SRGAP3: variants seen among roughly 807,000 people sequenced by gnomAD.
SRGAP3 encodes the protein SLIT-ROBO Rho GTPase activating protein 3.
SRGAP3 carries 39 observed loss-of-function variants against 121.1 expected under a neutral mutation model. The observed-to-expected ratio is 0.32, with a 90% CI of 0.25 to 0.42. The LOEUF is 0.42. Among genes scored for constraint, SRGAP3 ranks in the 10% least tolerant of loss-of-function variants. The pLI is 1.00. For missense variants in SRGAP3, 1,213 were observed against 1,470.6 expected, an observed-to-expected ratio of 0.82 and a Z score of 2.86; for synonymous variants, 601 against 570.0, an observed-to-expected ratio of 1.05 and a Z score of -0.77.
At chr3:9,301,650 GT>G in intron 3 of SRGAP3, among the ~76,000 whole-genome samples, 1 of 152,344 alleles carries the variant, frequency 6.6e-6, no homozygotes, top group East Asian at 1.9e-4. Context: ...GGCTGTGTTT[GT>G]TGTTTTTAAC....
chr3:9,138,800 T>G (rs1386395963), intron 1 of SRGAP3, among the ~76,000 whole-genome samples: 1 of 152,228 alleles, frequency 6.6e-6, no homozygotes, highest in Non-Finnish European at 1.5e-5. Flanking sequence ...AAGGTGTATA[T>G]GAAACAAATG....
intron 1 of SRGAP3, among the ~76,000 whole-genome samples, chr3:9,355,614 T>C (rs1475704836): frequency 6.6e-6 from 1 of 152,158 alleles, no homozygotes; most frequent in Non-Finnish European, 1.5e-5. Flanking sequence ...CAAAGAGGCT[T>C]TACCTGACCA....
At chr3:9,257,195 C>G (rs1954150035) in intron 3 of SRGAP3, among the ~76,000 whole-genome samples, 1 of 152,048 alleles carries the variant, frequency 6.6e-6, no homozygotes. Flanking sequence ...ATGCTTGTGT[C>G]CCCTTAAAAT....
At chr3:9,111,779 A>G (rs530875132) in intron 2 of SRGAP3, among the ~76,000 whole-genome samples, 62 of 152,306 alleles carry the variant, frequency 4.1e-4, no homozygotes, top group African/African-American at 1.4e-3. Context: ...TTTGGAAGAC[A>G]TCAGAATGAA....
chr3:9,354,173 T>A (rs2125296008), intron 1 of SRGAP3, among the ~76,000 whole-genome samples: 1 of 152,240 alleles, frequency 6.6e-6, no homozygotes, highest in Middle Eastern at 3.4e-3. Context: ...AAACTTCAAG[T>A]ACCATAACAA....
chr3:9,199,211 T>A lies in SRGAP3; in HGVS notation c.67+49674A>T, dbSNP rs547321453. 9.8e-5 allele frequency among the ~76,000 whole-genome samples: 15 copies of A among 152,324 alleles called. No individual in the cohort carries two copies. The South Asian group carries it at 2.5e-3, about 25-fold the overall frequency. On this transcript the variant is annotated intron_variant, in intron 1 of 21. Transcript: ENST00000383836. ...TCTGCATTTGCAATGGGCTTAATCA[T>A]CTGCATCAGAGCACACTCCCGCGAC...
At chr3:9,157,513 G>A (rs1950457965) in intron 1 of SRGAP3, among the ~76,000 whole-genome samples, 1 of 152,188 alleles carries the variant, frequency 6.6e-6, no homozygotes. Context: ...CTATACACTA[G>A]GTACTGTCTA....
chr3:9,045,227 A>T (rs1307733883), intron 10 of SRGAP3, among the ~76,000 whole-genome samples: 1 of 150,826 alleles, frequency 6.6e-6, no homozygotes, highest in African/African-American at 2.4e-5. Flanking sequence ...AGAACTGACC[A>T]GTCTATCAAG....
chr3:9,164,276 T>TTTA (rs1553683180), intron 1 of SRGAP3, among the ~76,000 whole-genome samples: 12 of 140,772 alleles, frequency 8.5e-5, no homozygotes, highest in African/African-American at 1.3e-4. Flanking sequence ...ACCCAGACTA[T>TTTA]TTTATTTATT....
At chr3:9,038,225 C>G in intron 10 of SRGAP3, 135 bp from the exon 11 acceptor site, 1 of 1,233,636 alleles carries the variant, frequency 8.1e-7, no homozygotes, top group Non-Finnish European at 1.1e-6. Flanking sequence ...GCCTAAGGTG[C>G]GGTCTGTTGA....
intron 2 of SRGAP3, among the ~76,000 whole-genome samples, chr3:9,107,192 C>A (rs146601653): frequency 9.3e-4 from 142 of 152,338 alleles, no homozygotes; most frequent in African/African-American, 3.3e-3. Context: ...TACAATTAGA[C>A]CCCAACTAGA....
intron 21 of SRGAP3, among the ~76,000 whole-genome samples, 192 bp from the exon 22 acceptor site, chr3:8,986,124 C>T (rs1377814463): frequency 6.6e-6 from 1 of 152,100 alleles, no homozygotes; most frequent in Non-Finnish European, 1.5e-5. Flanking sequence ...CTGCCTTGCA[C>T]AGGAAATAGA....
At chr3:9,154,982 T>TTGTTTTA (rs771062344) in intron 1 of SRGAP3, among the ~76,000 whole-genome samples, 3,905 of 151,404 alleles carry the variant, frequency 0.026, 121 homozygotes, top group African/African-American at 0.068. Context: ...CAGAGGTGGT[T>TTGTTTTA]TGTTTTATGT....
intron 10 of SRGAP3, among the ~76,000 whole-genome samples, chr3:9,040,335 G>T (rs1944957859): frequency 6.6e-6 from 1 of 152,110 alleles, no homozygotes; most frequent in Non-Finnish European, 1.5e-5. Flanking sequence ...CCTTCAAAAT[G>T]CTACTCCATC....
upstream of SRGAP3, among the ~76,000 whole-genome samples, chr3:9,251,564 T>G (rs1954019029): frequency 6.6e-6 from 1 of 152,188 alleles, no homozygotes; most frequent in Non-Finnish European, 1.5e-5. Context: ...AGCCTTGAGC[T>G]CATGAGAACT....
At chr3:9,252,930 G>A (rs1954050492), upstream of SRGAP3, among the ~76,000 whole-genome samples, 1 of 152,160 alleles carries the variant, frequency 6.6e-6, no homozygotes, top group Non-Finnish European at 1.5e-5. Context: ...AAAGCCCCTG[G>A]AAGTGTTTAT....
intron 1 of SRGAP3, among the ~76,000 whole-genome samples, chr3:9,190,229 CA>C (rs1951710156): frequency 1.3e-5 from 2 of 152,150 alleles, no homozygotes; most frequent in Non-Finnish European, 2.9e-5. Context: ...AAAAATACCC[CA>C]TGAAGGCCCA....
At chr3:9,001,217 T>C (rs536553205) in intron 18 of SRGAP3, among the ~76,000 whole-genome samples, 1 of 152,136 alleles carries the variant, frequency 6.6e-6, no homozygotes, top group Non-Finnish European at 1.5e-5. Flanking sequence ...TGTTCCAAAA[T>C]AGCTGGAATA....
intron 3 of SRGAP3, among the ~76,000 whole-genome samples, chr3:9,311,111 A>G (rs1469570946): frequency 2.0e-5 from 3 of 151,860 alleles, no homozygotes; most frequent in African/African-American, 7.2e-5. Context: ...TGGAGGTTGC[A>G]GTGAGCCCAG....
Sources: gnomAD v4.1 joint callset for allele counts (sites outside exome capture counted in the v4.1 genomes callset) on GRCh38, gnomAD v4.1.1 for gene constraint, MANE v1.5 for transcripts, NCBI Gene and HGNC (gene_info 2026-07-23, HGNC 2026-07-21) for gene names.